The following CNTNAP5 variants were observed in gnomAD, a reference collection of about 807,000 sequenced individuals.
CNTNAP5 encodes the protein contactin associated protein family member 5.
In CNTNAP5, 72 loss-of-function variants were observed where a neutral mutation model predicts 150.2. That is an observed-to-expected ratio of 0.48 (90% CI 0.40 to 0.58). The LOEUF is 0.58. CNTNAP5 is among the 20% of genes least tolerant of loss of function. CNTNAP5 has a pLI of 0.00. For synonymous variants in CNTNAP5, 672 were observed against 619.8 expected (o/e 1.08, Z -1.25); for missense variants, 1,636 against 1,626.2 (o/e 1.01, Z -0.10).
In CNTNAP5 at chr2:124,497,109, G is replaced by A. The variant is rs555866702; in HGVS notation, c.1063-7183G>A. On this transcript the variant is annotated intron_variant, in intron 7 of 23. Transcript: ENST00000682447. ...CATGGATCTTGCATGGTCCTCACACGCTTTTTATTTATAGCTTTTTTTATT... is the reference window on the plus strand; with the variant it reads ...CATGGATCTTGCATGGTCCTCACACACTTTTTATTTATAGCTTTTTTTATT... Among the ~76,000 whole-genome samples, 57 of 152,238 alleles carry A rather than the reference G, an allele frequency of 3.7e-4. No individual in the cohort carries two copies. The Middle Eastern group carries it at 0.014, about 36-fold the overall frequency.
chr2:124,102,113 C>T (rs1683079818), intron 1 of CNTNAP5, among the ~76,000 whole-genome samples: 1 of 152,136 alleles, frequency 6.6e-6, no homozygotes, highest in Non-Finnish European at 1.5e-5. Context: ...TCCAGATTCC[C>T]TCCACCACCC....
intron 19 of CNTNAP5, among the ~76,000 whole-genome samples, chr2:124,857,163 A>G (rs1677392464): frequency 6.6e-6 from 1 of 152,090 alleles, no homozygotes; most frequent in South Asian, 2.1e-4. Flanking sequence ...GAGCCTCCCC[A>G]TAAGTACCCC....
chr2:124,413,270 T>C (rs2104772346), intron 3 of CNTNAP5, among the ~76,000 whole-genome samples: 1 of 151,204 alleles, frequency 6.6e-6, no homozygotes, highest in East Asian at 1.9e-4. Context: ...GCAACACTTT[T>C]ACACTGTTGG....
chr2:124,210,384 A>G (rs1422999409), intron 1 of CNTNAP5, among the ~76,000 whole-genome samples: 1 of 152,194 alleles, frequency 6.6e-6, no homozygotes, highest in Non-Finnish European at 1.5e-5. Flanking sequence ...CCAGTTCTTC[A>G]GGATAACAAA....
At chr2:124,766,247 G>A (rs1392517974) in intron 16 of CNTNAP5, among the ~76,000 whole-genome samples, 3 of 152,178 alleles carry the variant, frequency 2.0e-5, no homozygotes, top group South Asian at 2.1e-4. Flanking sequence ...GTCATTAGGT[G>A]CCCTATGTAT....
At chr2:124,276,649 T>A (rs1225890071) in intron 3 of CNTNAP5, among the ~76,000 whole-genome samples, 5 of 152,148 alleles carry the variant, frequency 3.3e-5, no homozygotes, top group Non-Finnish European at 5.9e-5. Context: ...TAGCTAAACA[T>A]GTGACAGGGC....
At chr2:124,586,125 A>G (rs1696531252) in intron 11 of CNTNAP5, among the ~76,000 whole-genome samples, 1 of 152,150 alleles carries the variant, frequency 6.6e-6, no homozygotes, top group African/African-American at 2.4e-5. Flanking sequence ...TAATACCTGG[A>G]GAAAAGAGGC....
chr2:124,363,507 T>C (rs12475478), intron 3 of CNTNAP5, among the ~76,000 whole-genome samples: 9,216 of 152,246 alleles, frequency 0.061, 411 homozygotes, highest in East Asian at 0.22. Context: ...TCCCAAATCT[T>C]AGAAATATTA....
chr2:124,775,487 A>G (rs1220020357), intron 17 of CNTNAP5, among the ~76,000 whole-genome samples: 7 of 152,152 alleles, frequency 4.6e-5, no homozygotes, highest in Admixed American at 2.0e-4. Context: ...GGATCTTTCA[A>G]TCAAAATGGA....
intron 13 of CNTNAP5, among the ~76,000 whole-genome samples, chr2:124,664,896 A>C (rs1402313969): frequency 2.0e-5 from 3 of 152,170 alleles, no homozygotes; most frequent in Non-Finnish European, 4.4e-5. Context: ...CATGTTGGCC[A>C]GGCTGGTCTC....
chr2:124,096,958 C>A (rs994413499), intron 1 of CNTNAP5, among the ~76,000 whole-genome samples: 3 of 152,088 alleles, frequency 2.0e-5, no homozygotes, highest in Non-Finnish European at 2.9e-5. Context: ...CCTGCCTCAG[C>A]CTCCCAAAGT....
intron 13 of CNTNAP5, among the ~76,000 whole-genome samples, chr2:124,730,728 G>A (rs1232996592): frequency 1.3e-5 from 2 of 151,986 alleles, no homozygotes; most frequent in Non-Finnish European, 2.9e-5. Flanking sequence ...TTTTATGATT[G>A]TAGAATATCT....
intron 1 of CNTNAP5, among the ~76,000 whole-genome samples, chr2:124,154,210 T>C (rs575493285): frequency 6.6e-6 from 1 of 152,286 alleles, no homozygotes; most frequent in East Asian, 1.9e-4. Context: ...AGGAGCCTGG[T>C]TATTCTATGT....
At chr2:124,239,157 T>C (rs529024131) in intron 2 of CNTNAP5, among the ~76,000 whole-genome samples, 166 of 152,096 alleles carry the variant, frequency 1.1e-3, no homozygotes, top group Admixed American at 3.9e-3. Context: ...TTAGACAAAT[T>C]TGCAGAAACT....
chr2:124,512,897 A>G (rs1419314359), intron 8 of CNTNAP5, among the ~76,000 whole-genome samples: 1 of 152,178 alleles, frequency 6.6e-6, no homozygotes, highest in African/African-American at 2.4e-5. Context: ...CATTGACTAC[A>G]TTTACATTAA....
intron 1 of CNTNAP5, among the ~76,000 whole-genome samples, chr2:124,138,352 G>C (rs1684026256): frequency 6.6e-6 from 1 of 152,190 alleles, no homozygotes; most frequent in African/African-American, 2.4e-5. Flanking sequence ...CTAAGGAACT[G>C]TTATCAATAT....
intron 3 of CNTNAP5, among the ~76,000 whole-genome samples, chr2:124,383,249 A>T (rs1381630784): frequency 1.3e-5 from 2 of 152,348 alleles, no homozygotes; most frequent in South Asian, 2.1e-4. Flanking sequence ...ATCTGCATGC[A>T]TATTACCTGA....
At chr2:124,582,601 G>C (rs1324669278) in intron 11 of CNTNAP5, among the ~76,000 whole-genome samples, 1 of 152,116 alleles carries the variant, frequency 6.6e-6, no homozygotes, top group Non-Finnish European at 1.5e-5. Flanking sequence ...CCTTGGAAAT[G>C]ATCCAGTTCT....
At chr2:124,312,984 C>T (rs1688872097) in intron 3 of CNTNAP5, among the ~76,000 whole-genome samples, 1 of 152,196 alleles carries the variant, frequency 6.6e-6, no homozygotes, top group African/African-American at 2.4e-5. Context: ...GGATTACAGG[C>T]GTGAGCCACC....
Sources: gnomAD v4.1 joint callset for allele counts (sites outside exome capture counted in the v4.1 genomes callset) on GRCh38, gnomAD v4.1.1 for gene constraint, MANE v1.5 for transcripts, NCBI Gene and HGNC (gene_info 2026-07-23, HGNC 2026-07-21) for gene names.